The following RPRD2 variants were observed in gnomAD, a reference collection of about 807,000 sequenced individuals.
RPRD2 encodes regulation of nuclear pre-mRNA domain-containing protein 2.
A neutral mutation model predicts 104.4 loss-of-function variants in RPRD2; 12 were observed. That is an observed-to-expected ratio of 0.11 (90% CI 0.07 to 0.19). RPRD2 has a LOEUF of 0.19. Among genes scored for constraint, RPRD2 ranks in the 10% least tolerant of loss-of-function variants. The probability of loss-of-function intolerance (pLI) is 1.00; values close to 1 mark genes in which losing one functional copy is unlikely to be tolerated. For synonymous variants in RPRD2, 714 were observed against 684.9 expected, an observed-to-expected ratio of 1.04 and a Z score of -0.66; for missense variants, 1,543 against 1,790.1, an observed-to-expected ratio of 0.86 and a Z score of 2.49.
rs1159640942 is a variant in RPRD2, at chr1:150,368,197, T to G, written c.205+3278T>G. 2.5e-5 allele frequency among the ~76,000 whole-genome samples: 3 copies of G among 121,486 alleles called. No individual in the cohort carries two copies. In the East Asian group the frequency reaches 6.8e-4, roughly 28 times the overall value. The allele number at this position is 121,486 out of a possible 152,430, so 79.7% of individuals were successfully genotyped here. ...TCAGAAAGACCTACTTTGATCACCTTATTTCTTGTTTTTTTTTTTTTTTTT... is the reference window on the plus strand; with the variant it reads ...TCAGAAAGACCTACTTTGATCACCTGATTTCTTGTTTTTTTTTTTTTTTTT... On this transcript the variant is annotated intron_variant, in intron 1 of 10. Coordinates refer to ENST00000369068, the MANE Select transcript of RPRD2 (RefSeq NM_015203.5).
At chr1:150,400,615 A>T (rs1662907831) in intron 1 of RPRD2, among the ~76,000 whole-genome samples, 1 of 151,748 alleles carries the variant, frequency 6.6e-6, no homozygotes. Context: ...CTCACCCACC[A>T]CTCACCTCCT....
intron 1 of RPRD2, among the ~76,000 whole-genome samples, chr1:150,385,034 A>C (rs180819225): frequency 1.3e-4 from 20 of 152,300 alleles, no homozygotes; most frequent in African/African-American, 4.8e-4. Flanking sequence ...CTCTTAAAAA[A>C]GGTAATTACA....
chr1:150,423,456 T>C (rs1664903101), intron 2 of RPRD2, among the ~76,000 whole-genome samples: 2 of 152,226 alleles, frequency 1.3e-5, no homozygotes, highest in African/African-American at 4.8e-5. Context: ...TTTGTGCTTA[T>C]ACATTTTCAT....
intron 1 of RPRD2, among the ~76,000 whole-genome samples, chr1:150,416,892 CAAAAA>C (rs1664383245): frequency 1.8e-5 from 2 of 113,954 alleles, no homozygotes; most frequent in East Asian, 5.1e-4. Context: ...AAAAAAAAAA[CAAAAA>C]GAAGAAGAAG....
intron 1 of RPRD2, among the ~76,000 whole-genome samples, chr1:150,410,723 A>AGG (rs1663832058): frequency 6.6e-6 from 1 of 152,226 alleles, no homozygotes; most frequent in Non-Finnish European, 1.5e-5. Flanking sequence ...CTTAAAAACA[A>AGG]GGATATTCCT....
chr1:150,454,946 C>A lies in RPRD2; in HGVS notation c.871-2342C>A, dbSNP rs1258044413. Among the ~76,000 whole-genome samples, 86 of 152,104 alleles carry A rather than the reference C, an allele frequency of 5.7e-4. 1 individual carries two copies. The highest frequency in any genetic ancestry group is 5.4e-3 in the Admixed American group (83 of 15,258). On this transcript the variant is annotated intron_variant, in intron 7 of 10. Transcript: ENST00000369068. ...AAAAAATGAAAAATTCAAAAGATAT[C>A]TTTAAGACATTAGCAATTAAGACTA...
At chr1:150,445,193 T>C (rs1006213377) in intron 6 of RPRD2, among the ~76,000 whole-genome samples, 1 of 152,122 alleles carries the variant, frequency 6.6e-6, no homozygotes, top group East Asian at 1.9e-4. Flanking sequence ...AAAAATTTTT[T>C]AAAAACAAAC....
At chr1:150,420,578 C>G (rs1664693476) in intron 2 of RPRD2, among the ~76,000 whole-genome samples, 1 of 152,178 alleles carries the variant, frequency 6.6e-6, no homozygotes, top group South Asian at 2.1e-4. Context: ...ATAATCCCAG[C>G]ACTTTGGGAG....
intron 7 of RPRD2, among the ~76,000 whole-genome samples, chr1:150,456,835 G>A (rs1188948091): frequency 6.6e-6 from 1 of 151,782 alleles, no homozygotes; most frequent in Non-Finnish European, 1.5e-5. Flanking sequence ...CGAGGCAGGA[G>A]AATCACTTGA....
chr1:150,374,804 T>G (rs1018683650), intron 1 of RPRD2, among the ~76,000 whole-genome samples: 1 of 152,242 alleles, frequency 6.6e-6, no homozygotes, highest in Admixed American at 6.5e-5. Flanking sequence ...TTCTACTTAG[T>G]CTAGTGTGTT....
rs1001758918 is a variant in RPRD2 at position 150,364,160 on chromosome 1, C to T, written c.-555C>T. Reference sequence around the variant, plus strand: ...CGCGTGCGCGATACTGTTGCTGCCCCTTTGCTGCTATTGCGTTGCAAAAAA... The same window carrying T: ...CGCGTGCGCGATACTGTTGCTGCCCTTTTGCTGCTATTGCGTTGCAAAAAA... On this transcript the variant is annotated 5_prime_UTR_variant, in exon 1 of 11. Transcript: ENST00000369068. Among the ~76,000 whole-genome samples, 2 of 152,198 alleles carry T rather than the reference C, an allele frequency of 1.3e-5. No individual in the cohort carries two copies. The highest frequency in any genetic ancestry group is 2.9e-5 in the Non-Finnish European group (2 of 68,028).
chr1:150,415,955 C>A (rs587748948), intron 1 of RPRD2, among the ~76,000 whole-genome samples: 1 of 152,082 alleles, frequency 6.6e-6, no homozygotes, highest in African/African-American at 2.4e-5. Context: ...GGTAAAGATT[C>A]GGGCCTGACA....
intron 2 of RPRD2, among the ~76,000 whole-genome samples, chr1:150,433,662 T>C (rs1416289499): frequency 6.7e-6 from 1 of 148,798 alleles, no homozygotes; most frequent in African/African-American, 2.4e-5. Flanking sequence ...GCCAGGATGG[T>C]CTCAATCTGC....
intron 1 of RPRD2, among the ~76,000 whole-genome samples, chr1:150,374,336 C>G (rs1350179962): frequency 6.6e-6 from 1 of 152,162 alleles, no homozygotes; most frequent in Non-Finnish European, 1.5e-5. Flanking sequence ...CCTACCTTGC[C>G]CCCTCCATCT....
chr1:150,368,482 A>G (rs1660023318), intron 1 of RPRD2, among the ~76,000 whole-genome samples: 1 of 91,876 alleles, frequency 1.1e-5, no homozygotes, highest in African/African-American at 4.4e-5. Flanking sequence ...TTTTTTTTTG[A>G]GACAGAGTTT....
chr1:150,455,972 G>A (rs972771167), intron 7 of RPRD2, among the ~76,000 whole-genome samples: 3 of 151,998 alleles, frequency 2.0e-5, no homozygotes, highest in Non-Finnish European at 2.9e-5. Flanking sequence ...GACTACAGGC[G>A]CATGCTACTA....
chr1:150,404,936 A>G (rs1663350525), intron 1 of RPRD2, among the ~76,000 whole-genome samples: 1 of 152,190 alleles, frequency 6.6e-6, no homozygotes, highest in Admixed American at 6.5e-5. Flanking sequence ...AATTCAGACT[A>G]CCATATCTTA....
intron 7 of RPRD2, among the ~76,000 whole-genome samples, chr1:150,446,830 G>C (rs587714447): frequency 3.3e-5 from 4 of 120,368 alleles, no homozygotes; most frequent in Non-Finnish European, 6.9e-5. Context: ...ATAAGACCTG[G>C]GTCTTTTTTT....
At chr1:150,414,732 G>A (rs2102267093) in intron 1 of RPRD2, among the ~76,000 whole-genome samples, 1 of 152,212 alleles carries the variant, frequency 6.6e-6, no homozygotes, top group East Asian at 1.9e-4. Flanking sequence ...GTGTTTGAGT[G>A]AACTGTTCGC....
Sources: gnomAD v4.1 joint callset for allele counts (sites outside exome capture counted in the v4.1 genomes callset) on GRCh38, gnomAD v4.1.1 for gene constraint, MANE v1.5 for transcripts, NCBI Gene and HGNC (gene_info 2026-07-23, HGNC 2026-07-21) for gene names.